Variants in MAGI1 observed in about 807,000 individuals in gnomAD.
MAGI1 encodes the protein membrane-associated guanylate kinase, WW and PDZ domain-containing protein 1.
In MAGI1, 58 loss-of-function variants were observed where a neutral mutation model predicts 139.9. The ratio of observed to expected loss-of-function variants is 0.41; its 90% confidence interval spans 0.34 to 0.52. The LOEUF is 0.52. MAGI1 is among the 20% of genes least tolerant of loss of function. The pLI, the probability that MAGI1 is intolerant of heterozygous loss-of-function variation, is 0.12. For synonymous variants in MAGI1, 812 were observed against 737.9 expected (o/e 1.10, Z -1.63); for missense variants, 1,874 against 1,901.6 (o/e 0.99, Z 0.27).
chr3:65,819,309 A>G (rs193099777), intron 1 of MAGI1, among the ~76,000 whole-genome samples: 42 of 152,242 alleles, frequency 2.8e-4, no homozygotes, highest in South Asian at 1.2e-3. Flanking sequence ...ACAAACAACA[A>G]CAACAAAATA....
At chr3:65,944,542 T>C (rs1194406720) in intron 1 of MAGI1, among the ~76,000 whole-genome samples, 1 of 151,902 alleles carries the variant, frequency 6.6e-6, no homozygotes, top group Non-Finnish European at 1.5e-5. Flanking sequence ...TAAAGTGCTA[T>C]TTAAATGCTA....
At chr3:65,485,148 A>G (rs1208634533) in intron 3 of MAGI1, among the ~76,000 whole-genome samples, 1 of 152,146 alleles carries the variant, frequency 6.6e-6, no homozygotes, top group Non-Finnish European at 1.5e-5. Flanking sequence ...CTTTCTTTCC[A>G]GTCGGTCAAT....
intron 1 of MAGI1, among the ~76,000 whole-genome samples, chr3:65,974,879 G>T (rs2107214958): frequency 6.6e-6 from 1 of 152,284 alleles, no homozygotes; most frequent in Middle Eastern, 3.4e-3. Flanking sequence ...CACAGACCTG[G>T]GAACAGACTG....
intron 1 of MAGI1, among the ~76,000 whole-genome samples, chr3:65,896,124 G>A (rs1031708771): frequency 2.6e-5 from 4 of 152,016 alleles, no homozygotes; most frequent in Non-Finnish European, 5.9e-5. Context: ...CACCCACTGC[G>A]GTATTTTTCT....
chr3:66,037,920 A>G, intron 1 of MAGI1, 76 bp downstream of exon 1: 2 of 1,509,570 alleles, frequency 1.3e-6, no homozygotes, highest in Non-Finnish European at 1.8e-6. Context: ...GGGAAGCAGG[A>G]AATCGAGAAT....
chr3:65,486,333 C>T (rs1227041311), intron 3 of MAGI1, among the ~76,000 whole-genome samples: 1 of 152,182 alleles, frequency 6.6e-6, no homozygotes, highest in Non-Finnish European at 1.5e-5. Flanking sequence ...GTATAATCAG[C>T]CTCTTCTACC....
At chr3:65,929,153 C>A (rs202151057) in intron 1 of MAGI1, among the ~76,000 whole-genome samples, 3 of 149,762 alleles carry the variant, frequency 2.0e-5, no homozygotes, top group Non-Finnish European at 1.5e-5. Context: ...GACAATGCCG[C>A]AAAAAAAAAG....
chr3:65,527,737 T>TAAAAATA (rs955939039), intron 2 of MAGI1, among the ~76,000 whole-genome samples: 2 of 148,352 alleles, frequency 1.3e-5, no homozygotes, highest in Non-Finnish European at 3.0e-5. Flanking sequence ...AAAATGTATA[T>TAAAAATA]AAAAATAAAA....
intron 12 of MAGI1, 21 bp from the exon 13 acceptor site, chr3:65,401,491 A>C (rs1944890277): frequency 1.2e-6 from 2 of 1,609,882 alleles, no homozygotes. Context: ...TGCAACAAGG[A>C]GGGGAGGGGG....
At chr3:65,571,316 A>G (rs1032849238) in intron 2 of MAGI1, among the ~76,000 whole-genome samples, 2 of 152,074 alleles carry the variant, frequency 1.3e-5, no homozygotes, top group African/African-American at 4.8e-5. Context: ...TTTTTCCTCA[A>G]ATTTTGTGTT....
chr3:65,547,564 T>C (rs1366330749), intron 2 of MAGI1, among the ~76,000 whole-genome samples: 3 of 152,182 alleles, frequency 2.0e-5, no homozygotes, highest in Non-Finnish European at 4.4e-5. Flanking sequence ...GGAGAAGTTG[T>C]ACTGCCCACT....
chr3:65,694,010 C>T (rs1004460275), intron 1 of MAGI1, among the ~76,000 whole-genome samples: 1 of 151,986 alleles, frequency 6.6e-6, no homozygotes, highest in Non-Finnish European at 1.5e-5. Context: ...CATGAGCCAC[C>T]GTGCCCAGCC....
rs1942781636 is a variant in MAGI1 at position 65,378,704 on chromosome 3, CAG to C, written c.2995+555_2995+556del. 2.1e-5 allele frequency among the ~76,000 whole-genome samples: 3 copies of C among 145,114 alleles called. No homozygotes were observed. The South Asian group carries it at 6.6e-4, about 32-fold the overall frequency. On this transcript the variant is annotated intron_variant, in intron 17 of 22. Coordinates refer to ENST00000402939, the MANE Select transcript of MAGI1 (RefSeq NM_001033057.2). ...TTTTCTTTTTTTTTTTTTTTTAAGA[CAG>C]AGTCTCGCTGTGTCACCCAGGCTGG...
rs1559509324 is a variant in MAGI1 at position 65,379,532 on chromosome 3, C to T, written c.2724G>A (p.Val908=). Reference sequence around the variant, plus strand: ...TGTGATGAGAGGAGGCTGGCGAGGGCACCTCGTTCTCGGTTTTGGGCACTG... The same window carrying T: ...TGTGATGAGAGGAGGCTGGCGAGGGTACCTCGTTCTCGGTTTTGGGCACTG... ...VFAVPKTENE[V]PSPASSHHSS... The change falls in exon 17 of 23, where the codon GTG becomes GTA. Residue 908 remains valine (V), a synonymous_variant. Transcript: ENST00000402939. 1 of 1,610,468 alleles carries T rather than the reference C, an allele frequency of 6.2e-7. No homozygotes were observed. The highest frequency in any genetic ancestry group is 8.5e-7 in the Non-Finnish European group (1 of 1,177,132).
intron 1 of MAGI1, among the ~76,000 whole-genome samples, chr3:65,782,294 A>G (rs936766681): frequency 1.3e-5 from 2 of 152,182 alleles, no homozygotes; most frequent in African/African-American, 4.8e-5. Flanking sequence ...TGAATGGCAC[A>G]GAAGGATACA....
chr3:65,837,915 T>G (rs971124181), intron 1 of MAGI1, among the ~76,000 whole-genome samples: 3 of 152,202 alleles, frequency 2.0e-5, no homozygotes, highest in Admixed American at 6.5e-5. Context: ...CTTTTTATTT[T>G]GAAAAGATTT....
intron 1 of MAGI1, among the ~76,000 whole-genome samples, chr3:65,897,794 T>A (rs1472846896): frequency 1.3e-5 from 2 of 151,474 alleles, no homozygotes; most frequent in African/African-American, 4.9e-5. Flanking sequence ...GCCCAGGAGG[T>A]TGAGGCCGAA....
intron 10 of MAGI1, among the ~76,000 whole-genome samples, chr3:65,433,643 G>A (rs1947623265): frequency 6.6e-6 from 1 of 152,020 alleles, no homozygotes; most frequent in South Asian, 2.1e-4. Context: ...ACTTGGTTGT[G>A]TCTTACCCAG....
chr3:65,775,978 T>C (rs1295537481), intron 1 of MAGI1, among the ~76,000 whole-genome samples: 1 of 151,902 alleles, frequency 6.6e-6, no homozygotes, highest in Non-Finnish European at 1.5e-5. Flanking sequence ...TATTCTTTGA[T>C]GAATTTAAAT....
Sources: gnomAD v4.1 joint callset for allele counts (sites outside exome capture counted in the v4.1 genomes callset) on GRCh38, gnomAD v4.1.1 for gene constraint, MANE v1.5 for transcripts, NCBI Gene and HGNC (gene_info 2026-07-23, HGNC 2026-07-21) for gene names.